Variants in CMTM8 observed in about 807,000 individuals in gnomAD.
CMTM8 encodes CKLF-like MARVEL transmembrane domain-containing protein 8.
CMTM8 carries 12 observed loss-of-function variants against 18.6 expected under a neutral mutation model. The ratio of observed to expected loss-of-function variants is 0.65; its 90% CI spans 0.41 to 1.05. The LOEUF (loss-of-function observed/expected upper bound fraction) is 1.05, where lower values mean the gene tolerates loss of function less well. Among genes scored for constraint, CMTM8 ranks in the 50% least tolerant of loss-of-function variants. The pLI is 0.00. For missense variants in CMTM8, 217 were observed against 227.2 expected (o/e 0.95, Z 0.29); for synonymous variants, 87 against 90.6 (o/e 0.96, Z 0.23).
At chr3:32,281,091 C>T (rs1393999580) in intron 1 of CMTM8, among the ~76,000 whole-genome samples, 3 of 152,106 alleles carry the variant, frequency 2.0e-5, no homozygotes, top group Non-Finnish European at 4.4e-5. Context: ...TGCATGGGGA[C>T]AATCCTGAGG....
At chr3:32,262,863 A>G (rs948274453) in intron 1 of CMTM8, among the ~76,000 whole-genome samples, 1 of 152,208 alleles carries the variant, frequency 6.6e-6, no homozygotes, top group African/African-American at 2.4e-5. Flanking sequence ...ATCAGCTTCT[A>G]GTGAGTTTTC....
chr3:32,347,980 T>G (rs1696632882), intron 1 of CMTM8, among the ~76,000 whole-genome samples: 1 of 152,176 alleles, frequency 6.6e-6, no homozygotes, highest in Admixed American at 6.5e-5. Flanking sequence ...GGGATGACCT[T>G]CACCTCTCTC....
At chr3:32,285,828 C>A (rs1003270508) in intron 1 of CMTM8, among the ~76,000 whole-genome samples, 1 of 152,258 alleles carries the variant, frequency 6.6e-6, no homozygotes, top group South Asian at 2.1e-4. Context: ...GTGCCTTTCT[C>A]CCCCAGGAGA....
At chr3:32,363,812 C>T (rs919463625) in intron 2 of CMTM8, among the ~76,000 whole-genome samples, 2 of 152,206 alleles carry the variant, frequency 1.3e-5, no homozygotes, top group Non-Finnish European at 2.9e-5. Flanking sequence ...TGGGAACATG[C>T]TTTTCTGACA....
Position 32,352,151 on chromosome 3 carries a change from C to T in CMTM8, c.148-5222C>T, listed in dbSNP as rs560749098. Reference sequence around the variant, plus strand: ...CAAGATCACACCACTGCACTCCAGCCTGGGTGATGGAGTGAGACTGTCTGA... The same window carrying T: ...CAAGATCACACCACTGCACTCCAGCTTGGGTGATGGAGTGAGACTGTCTGA... On this transcript the variant is annotated intron_variant, in intron 1 of 3. Transcript: ENST00000307526. Among the ~76,000 whole-genome samples the T allele has an allele frequency of 2.1e-5, 3 of 140,838 alleles. No individual in the cohort carries two copies. The South Asian group carries it at 6.9e-4, about 32-fold the overall frequency. 92.4% of individuals were successfully genotyped at this position (140,838 alleles called of 152,430 possible). A position where few individuals can be genotyped will look rare whatever the true frequency, so the allele number is the denominator to read the frequency against.
chr3:32,244,888 T>A (rs1165433530), intron 1 of CMTM8, among the ~76,000 whole-genome samples: 3 of 152,214 alleles, frequency 2.0e-5, no homozygotes, highest in African/African-American at 7.2e-5. Flanking sequence ...TAGTCTGAAG[T>A]TATCTTCCCC....
At chr3:32,312,678 A>G (rs1695842416) in intron 1 of CMTM8, among the ~76,000 whole-genome samples, 1 of 151,982 alleles carries the variant, frequency 6.6e-6, no homozygotes, top group Non-Finnish European at 1.5e-5. Context: ...GCCATTGGTG[A>G]TCAATTCAAT....
chr3:32,352,784 G>A (rs1696736467), intron 1 of CMTM8, among the ~76,000 whole-genome samples: 1 of 152,032 alleles, frequency 6.6e-6, no homozygotes, highest in African/African-American at 2.4e-5. Flanking sequence ...TGTTCAGTTA[G>A]TGAAACTTCC....
At chr3:32,289,661 A>G (rs1702746075) in intron 1 of CMTM8, among the ~76,000 whole-genome samples, 1 of 152,244 alleles carries the variant, frequency 6.6e-6, no homozygotes, top group Non-Finnish European at 1.5e-5. Context: ...ATAGATGCAT[A>G]GAAAATGTGG....
At chr3:32,280,242 C>T (rs527691053) in intron 1 of CMTM8, among the ~76,000 whole-genome samples, 1 of 152,136 alleles carries the variant, frequency 6.6e-6, no homozygotes, top group Admixed American at 6.5e-5. Context: ...ACGCTGATTT[C>T]CTAGAATGGA....
intron 1 of CMTM8, among the ~76,000 whole-genome samples, chr3:32,327,406 G>C (rs1575178216): frequency 1.3e-5 from 2 of 152,208 alleles, no homozygotes; most frequent in Admixed American, 6.5e-5. Context: ...ATTGATGGCT[G>C]TTAAATTTAA....
chr3:32,258,057 G>A (rs12496256), intron 1 of CMTM8, among the ~76,000 whole-genome samples: 102,035 of 151,838 alleles, frequency 0.67, 34,454 homozygotes, highest in African/African-American at 0.72. Context: ...AGGGAGGGGG[G>A]CTTTAAATGT....
At chr3:32,355,771 C>G (rs762838366) in intron 1 of CMTM8, among the ~76,000 whole-genome samples, 1 of 152,206 alleles carries the variant, frequency 6.6e-6, no homozygotes, top group Non-Finnish European at 1.5e-5. Context: ...CACCAATATC[C>G]TAACTTACTA....
Position 32,370,078 on chromosome 3 carries a change from T to C in CMTM8, c.*111T>C, listed in dbSNP as rs1695618843. 1 of 562,564 alleles carries C rather than the reference T, an allele frequency of 1.8e-6. No individual in the cohort carries two copies. Among genetic ancestry groups the C allele is most frequent in the African/African-American group, 1.9e-5 (1 of 53,488 alleles). The allele number at this position is 562,564 out of a possible 1,614,324, so 34.8% of individuals were successfully genotyped here. ...ATTGTATTTAACTAATTAATGTTTT[T>C]TATATTCTTAAATTTGCTCACAAAT... is the stretch of plus-strand genomic sequence containing the variant. On this transcript the variant is annotated 3_prime_UTR_variant, in exon 4 of 4. Transcript: ENST00000307526.
intron 1 of CMTM8, among the ~76,000 whole-genome samples, chr3:32,264,921 C>T (rs1224338102): frequency 6.6e-6 from 1 of 152,136 alleles, no homozygotes; most frequent in Non-Finnish European, 1.5e-5. Context: ...AATATATATG[C>T]ACCCAATACA....
rs985121415 is a variant in CMTM8 at position 32,316,090 on chromosome 3, G to A, written c.148-41283G>A. ...CGCCCAGGCTGGAGTACAGTGGCGC[G>A]ATCTCGGCTCACTGCAAGCTCCGCC... is the stretch of plus-strand genomic sequence containing the variant. On this transcript the variant is annotated intron_variant, in intron 1 of 3. Coordinates refer to ENST00000307526, the MANE Select transcript of CMTM8 (RefSeq NM_178868.5). Among the ~76,000 whole-genome samples the A allele has an allele frequency of 1.1e-3, 133 of 125,074 alleles. 1 individual carries two copies. The highest frequency in any genetic ancestry group is 6.6e-4 in the Non-Finnish European group (42 of 64,028). The allele number at this position is 125,074 out of a possible 152,430, so 82.1% of individuals were successfully genotyped here. A position where few individuals can be genotyped will look rare whatever the true frequency, so the allele number is the denominator to read the frequency against.
intron 1 of CMTM8, among the ~76,000 whole-genome samples, chr3:32,297,793 C>T (rs750929439): frequency 2.6e-5 from 4 of 151,944 alleles, no homozygotes; most frequent in Non-Finnish European, 2.9e-5. Flanking sequence ...GGGGATTTGG[C>T]ATTTTAAAAT....
At chr3:32,314,875 A>G (rs1695889470) in intron 1 of CMTM8, among the ~76,000 whole-genome samples, 1 of 151,946 alleles carries the variant, frequency 6.6e-6, no homozygotes, top group Admixed American at 6.6e-5. Flanking sequence ...GGTCCAACTG[A>G]GGCCTTGTTG....
At chr3:32,349,626 C>T (rs77629312) in intron 1 of CMTM8, among the ~76,000 whole-genome samples, 6,878 of 152,188 alleles carry the variant, frequency 0.045, 195 homozygotes, top group Middle Eastern at 0.1. Context: ...TGGAGCACAG[C>T]TGCTGGCATC....
Sources: gnomAD v4.1 joint callset for allele counts (sites outside exome capture counted in the v4.1 genomes callset) on GRCh38, gnomAD v4.1.1 for gene constraint, MANE v1.5 for transcripts, NCBI Gene and HGNC (gene_info 2026-07-23, HGNC 2026-07-21) for gene names.